Variants in WDR44 observed in about 807,000 individuals in gnomAD.
WDR44 encodes WD repeat domain 44.
WDR44 carries 9 observed loss-of-function variants against 65.7 expected under a neutral mutation model. The ratio of observed to expected loss-of-function variants is 0.14; its 90% CI spans 0.08 to 0.24. The LOEUF is 0.24. Among genes scored for constraint, WDR44 ranks in the 10% least tolerant of loss-of-function variants. WDR44 has a pLI of 1.00. For synonymous variants in WDR44, 220 were observed against 235.2 expected, an observed-to-expected ratio of 0.94 and a Z score of 0.59; for missense variants, 425 against 670.9, an observed-to-expected ratio of 0.63 and a Z score of 4.05.
intron 2 of WDR44, among the ~76,000 whole-genome samples, chrX:118,378,883 A>C (rs769856080): frequency 2.4e-4 from 26 of 106,947 alleles, no homozygotes; most frequent in Non-Finnish European, 4.2e-4. Flanking sequence ...AAAAAAAAAA[A>C]ACACACAAAA....
At chrX:118,432,758 A>G (rs1304935307) in intron 12 of WDR44, 23 bp from the exon 13 acceptor site, 3 of 1,165,279 alleles carry the variant, frequency 2.6e-6, no homozygotes, top group South Asian at 1.8e-5. Flanking sequence ...GCAGTTTCAA[A>G]GTTTATCTTT....
intron 18 of WDR44, 143 bp from the exon 19 acceptor site, chrX:118,444,217 T>G (rs952750508): frequency 3.1e-6 from 2 of 641,229 alleles, no homozygotes; most frequent in African/African-American, 4.5e-5. Flanking sequence ...ATATGTGATT[T>G]TTTTTAGAAA....
intron 2 of WDR44, among the ~76,000 whole-genome samples, chrX:118,384,614 G>A (rs962925758): frequency 4.5e-5 from 5 of 111,810 alleles, no homozygotes; most frequent in Non-Finnish European, 5.6e-5. Context: ...GTAGCATGAT[G>A]CCTCCAGCTT....
intron 6 of WDR44, 68 bp downstream of exon 6, chrX:118,395,412 A>G: frequency 1.1e-6 from 1 of 910,676 alleles, no homozygotes; most frequent in Non-Finnish European, 1.6e-6. Flanking sequence ...GGAAGATGAA[A>G]ACGTTCTGGA....
rs2057371513 is a variant in WDR44, at chrX:118,449,105, A to G, written c.*118A>G. ...TTTTATTGAAAGTTGTTCAAATATA[A>G]TATATTTTTTGAGAGGCAGTGTTAA... On this transcript the variant is annotated 3_prime_UTR_variant, in exon 20 of 20. Transcript: ENST00000254029. 5 of 473,548 alleles carry G rather than the reference A, an allele frequency of 1.1e-5. No individual in the cohort carries two copies. Among genetic ancestry groups the G allele is most frequent in the Admixed American group, 4.7e-5 (1 of 21,498 alleles). 39.0% of individuals were successfully genotyped at this position (473,548 alleles called of 1,213,427 possible). A position where few individuals can be genotyped will look rare whatever the true frequency, so the allele number is the denominator to read the frequency against.
At chrX:118,349,620 C>T (rs2056385641) in intron 1 of WDR44, among the ~76,000 whole-genome samples, 1 of 108,969 alleles carries the variant, frequency 9.2e-6, no homozygotes, top group Admixed American at 9.8e-5. Context: ...TGCAGTGGCA[C>T]GATCTCTGCT....
intron 12 of WDR44, among the ~76,000 whole-genome samples, chrX:118,427,326 A>G (rs1387239285): frequency 1.9e-5 from 2 of 103,571 alleles, no homozygotes. Flanking sequence ...GCTGGAGTGC[A>G]GTGGCGCGAT....
intron 1 of WDR44, among the ~76,000 whole-genome samples, chrX:118,349,781 C>G (rs1771714637): frequency 9.0e-6 from 1 of 111,105 alleles, no homozygotes; most frequent in African/African-American, 3.3e-5. Context: ...AACTCCTAAC[C>G]TCATGGTCCG....
rs747457348 is a variant in WDR44 at position 118,350,564 on chromosome X, T to C, written c.77+3984T>C. Among the ~76,000 whole-genome samples, 11 of 111,738 alleles carry C rather than the reference T, an allele frequency of 9.8e-5. No individual in the cohort carries two copies. The South Asian group carries it at 3.8e-3, about 38-fold the overall frequency. ...TTTGTTCTTGGTAAATCTTTCGTGA[T>C]TTTTTTTAATCTTTTCGTTTAACTT... is the stretch of plus-strand genomic sequence containing the variant. On this transcript the variant is annotated intron_variant, in intron 1 of 19. Coordinates refer to ENST00000254029, the MANE Select transcript of WDR44 (RefSeq NM_019045.5).
chrX:118,354,580 T>C (rs1039182684), intron 1 of WDR44, among the ~76,000 whole-genome samples: 5 of 111,657 alleles, frequency 4.5e-5, no homozygotes, highest in African/African-American at 1.6e-4. Context: ...GGATGAAATA[T>C]AAGATTTTTT....
chrX:118,445,640 G>T (rs1022290112), intron 19 of WDR44, among the ~76,000 whole-genome samples: 2 of 112,435 alleles, frequency 1.8e-5, no homozygotes, highest in African/African-American at 6.5e-5. Flanking sequence ...TAGCATATAT[G>T]CTTTGAGAAT....
Position 118,397,080 on chromosome X carries a change from C to G in WDR44, c.1164C>G (p.Ile388Met). Residue 388 changes from isoleucine (I) to methionine (M), a missense_variant, in exon 7 of 20, where the codon ATC becomes ATG. This residue lies in a region of WDR44 where 77 missense variants were observed against 183.5 expected (regional missense o/e 0.42). Transcript: ENST00000254029. Reference protein sequence around the residue: ...PTGINPLTLHIMRRTKEYVSN... With the variant: ...PTGINPLTLHMMRRTKEYVSN... Reference sequence around the variant, plus strand: ...GCATTAATCCTCTCACTCTACACATCATGAGAAGGACAAAAGAATATGTAA... The same window carrying G: ...GCATTAATCCTCTCACTCTACACATGATGAGAAGGACAAAAGAATATGTAA... 1 of 1,180,441 alleles carries G rather than the reference C, an allele frequency of 8.5e-7. No individual in the cohort carries two copies. Among genetic ancestry groups the G allele is most frequent in the Non-Finnish European group, 1.1e-6 (1 of 883,198 alleles).
intron 1 of WDR44, among the ~76,000 whole-genome samples, chrX:118,371,432 G>A (rs2056613151): frequency 9.0e-6 from 1 of 111,352 alleles, no homozygotes; most frequent in South Asian, 3.8e-4. Context: ...CAAAATTGCT[G>A]AGAGAGTAAA....
intron 1 of WDR44, among the ~76,000 whole-genome samples, chrX:118,352,352 A>ATTTTTTTTTTTTTTT (rs556374639): frequency 1.4e-4 from 2 of 14,224 alleles, no homozygotes; most frequent in African/African-American, 7.4e-4. Flanking sequence ...ATATATATAT[A>ATTTTTTTTTTTTTTT]TTTTTTTTTT....
At chrX:118,442,188 C>T (rs933371706) in intron 15 of WDR44, 56 bp from the exon 16 acceptor site, 6 of 1,031,674 alleles carry the variant, frequency 5.8e-6, no homozygotes, top group East Asian at 3.1e-5. Flanking sequence ...GTTACAGATA[C>T]GAGCCACCAC....
At chrX:118,446,867 T>TATGAATGA (rs767020047) in intron 19 of WDR44, among the ~76,000 whole-genome samples, 1 of 109,371 alleles carries the variant, frequency 9.1e-6, no homozygotes, top group Non-Finnish European at 1.9e-5. Context: ...TTTTTTAACT[T>TATGAATGA]ATGAATGAAT....
intron 1 of WDR44, among the ~76,000 whole-genome samples, chrX:118,362,986 C>G (rs1207331377): frequency 9.2e-6 from 1 of 108,172 alleles, no homozygotes; most frequent in Non-Finnish European, 1.9e-5. Context: ...TTAAATACAC[C>G]ATGCAATGAC....
chrX:118,441,409 C>T lies in WDR44; in HGVS notation c.2016C>T (p.Leu672=), dbSNP rs2057304871. The change falls in exon 15 of 20, where the codon CTC becomes CTT. Residue 672 remains leucine, a synonymous_variant. Transcript: ENST00000254029. The part of the protein sequence containing the change: ...YFLSGSLDGK[L]RLWNIPDKKV... ...TAAGTGGGTCTTTGGATGGAAAGCT[C>T]CGCCTTTGGAACATACCTGACAAAA... The T allele has an allele frequency of 8.3e-7, 1 of 1,207,261 alleles. No individual in the cohort carries two copies. The highest frequency in any genetic ancestry group is 2.2e-5 in the Admixed American group (1 of 45,897).
intron 8 of WDR44, among the ~76,000 whole-genome samples, chrX:118,402,551 C>T (rs2056928733): frequency 9.2e-6 from 1 of 108,699 alleles, no homozygotes; most frequent in Non-Finnish European, 1.9e-5. Context: ...AGTTCAAGAC[C>T]AGCCTGGGCA....
Sources: gnomAD v4.1 joint callset for allele counts (sites outside exome capture counted in the v4.1 genomes callset) on GRCh38, gnomAD v4.1.1 for gene constraint, gnomAD v4.1.1 regional missense constraint, MANE v1.5 for transcripts, NCBI Gene and HGNC (gene_info 2026-07-23, HGNC 2026-07-21) for gene names.